DPP10: variants seen among roughly 807,000 people sequenced by gnomAD.
DPP10 encodes the protein inactive dipeptidyl peptidase 10.
DPP10 carries 33 observed loss-of-function variants against 120.9 expected under a neutral mutation model. The ratio of observed to expected loss-of-function variants is 0.27; its 90% CI spans 0.21 to 0.37. The LOEUF is 0.37. Ranked by LOEUF, DPP10 falls within the 10% of genes least tolerant of loss-of-function variation. The pLI is 1.00. For synonymous variants in DPP10, 337 were observed against 326.1 expected, an observed-to-expected ratio of 1.03 and a Z score of -0.36; for missense variants, 816 against 942.8, an observed-to-expected ratio of 0.87 and a Z score of 1.76.
At chr2:114,572,004 A>G (rs1364167346) in intron 1 of DPP10, among the ~76,000 whole-genome samples, 1 of 149,620 alleles carries the variant, frequency 6.7e-6, no homozygotes, top group Non-Finnish European at 1.5e-5. Flanking sequence ...CAATATTTAT[A>G]CCACATATAT....
chr2:114,835,923 A>AC (rs58073147), intron 1 of DPP10, among the ~76,000 whole-genome samples: 147,580 of 152,268 alleles, frequency 0.97, 71,690 homozygotes, highest in Middle Eastern at 1. Flanking sequence ...TTGAGACAAA[A>AC]TTTTAGATTG....
At chr2:115,139,655 G>A (rs1351083298) in intron 1 of DPP10, among the ~76,000 whole-genome samples, 1 of 128,956 alleles carries the variant, frequency 7.8e-6, no homozygotes, top group Non-Finnish European at 1.6e-5. Flanking sequence ...AGCAGGTTTT[G>A]TGAAACACCT....
At chr2:115,510,910 ATT>A (rs2077189091) in intron 4 of DPP10, among the ~76,000 whole-genome samples, 1 of 152,118 alleles carries the variant, frequency 6.6e-6, no homozygotes, top group South Asian at 2.1e-4. Flanking sequence ...TATAAATAGA[ATT>A]GTTTACTCCA....
intron 1 of DPP10, among the ~76,000 whole-genome samples, chr2:114,933,984 G>T (rs766241967): frequency 1.3e-5 from 2 of 152,162 alleles, no homozygotes; most frequent in Non-Finnish European, 1.5e-5. Context: ...TTTTGAACAA[G>T]CTGCTATTAT....
chr2:114,541,774 T>C (rs1238736935), intron 1 of DPP10, among the ~76,000 whole-genome samples: 1 of 152,136 alleles, frequency 6.6e-6, no homozygotes, highest in African/African-American at 2.4e-5. Flanking sequence ...TGGCAAAACA[T>C]GCTTATGCCA....
intron 1 of DPP10, among the ~76,000 whole-genome samples, chr2:114,647,520 T>C (rs1179580573): frequency 6.6e-6 from 1 of 152,106 alleles, no homozygotes; most frequent in Non-Finnish European, 1.5e-5. Flanking sequence ...TGATATCCTT[T>C]GGCTATGTTC....
intron 1 of DPP10, chr2:115,065,538 T>G (rs1045450760): frequency 6.6e-6 from 1 of 152,184 alleles, no homozygotes; most frequent in African/African-American, 2.4e-5. Flanking sequence ...ATCTTCTCTT[T>G]ATGTTTCAGG....
At chr2:114,446,228 T>C (rs545641706) in intron 1 of DPP10, among the ~76,000 whole-genome samples, 1 of 152,372 alleles carries the variant, frequency 6.6e-6, no homozygotes, top group African/African-American at 2.4e-5. Context: ...GCTAAATCTC[T>C]GATCTTGGTT....
chr2:114,578,937 A>C (rs1254656833), intron 1 of DPP10, among the ~76,000 whole-genome samples: 1 of 152,192 alleles, frequency 6.6e-6, no homozygotes, highest in Non-Finnish European at 1.5e-5. Context: ...GTGAAAATTA[A>C]AGTTGGATCT....
intron 1 of DPP10, among the ~76,000 whole-genome samples, chr2:115,299,509 A>G (rs1318393088): frequency 1.3e-5 from 2 of 152,168 alleles, no homozygotes; most frequent in East Asian, 3.9e-4. Flanking sequence ...TTCTCATTGG[A>G]ATGTTTTGCT....
At chr2:115,247,001 C>A (rs1559308367) in intron 1 of DPP10, among the ~76,000 whole-genome samples, 1 of 151,990 alleles carries the variant, frequency 6.6e-6, no homozygotes, top group African/African-American at 2.4e-5. Context: ...GTCAGTTTTC[C>A]CAAACAGCTT....
chr2:115,637,182 T>A (rs983968849), intron 5 of DPP10, among the ~76,000 whole-genome samples: 3 of 152,120 alleles, frequency 2.0e-5, no homozygotes, highest in African/African-American at 7.2e-5. Context: ...TTATGAGCAA[T>A]TATATTGGCA....
rs1158408331 is a variant in DPP10, at chr2:115,672,670, CTCTT to C, written c.442-17009_442-17006del. The stretch of plus-strand genomic sequence containing the variant: ...TCTCTCTCTTTCTTTCTTTCTTTCT[CTCTT>C]TCTTTCTCTTTCTTTCTTTCTTTCT... On this transcript the variant is annotated intron_variant, in intron 5 of 25. Transcript: ENST00000410059. Among the ~76,000 whole-genome samples the C allele has an allele frequency of 4.7e-3, 223 of 47,440 alleles. 8 individuals carry two copies. Among genetic ancestry groups the C allele is most frequent in the Middle Eastern group, 0.022 (1 of 46 alleles). The allele number at this position is 47,440 out of a possible 152,430, so 31.1% of individuals were successfully genotyped here. A position where few individuals can be genotyped will look rare whatever the true frequency, so the allele number is the denominator to read the frequency against.
In DPP10 at chr2:115,415,117, G is replaced by A. The variant is rs528879655; in HGVS notation, c.271+71205G>A. Among the ~76,000 whole-genome samples, 9 of 152,174 alleles carry A rather than the reference G, an allele frequency of 5.9e-5. No individual in the cohort carries two copies. The East Asian group carries it at 1.2e-3, about 20-fold the overall frequency. On this transcript the variant is annotated intron_variant, in intron 3 of 25. Coordinates refer to ENST00000410059, the MANE Select transcript of DPP10 (RefSeq NM_020868.6). ...CCTATTGTGATTTTACCCTTACTAG[G>A]TGGTTTTCCTGGTAAGATAAGTATT...
intron 1 of DPP10, among the ~76,000 whole-genome samples, chr2:114,861,547 T>A (rs1689811119): frequency 6.6e-6 from 1 of 152,216 alleles, no homozygotes; most frequent in South Asian, 2.1e-4. Flanking sequence ...TCAAAGCTAC[T>A]CAGTGCATGA....
intron 1 of DPP10, among the ~76,000 whole-genome samples, chr2:114,974,417 C>CTTTTTTTTTT (rs36001857): frequency 1.5e-5 from 2 of 131,592 alleles, no homozygotes; most frequent in Non-Finnish European, 3.2e-5. Context: ...CCTTTTTATC[C>CTTTTTTTTTT]TTTTTTTTTT....
At chr2:115,285,680 A>G (rs1276566470) in intron 1 of DPP10, among the ~76,000 whole-genome samples, 1 of 152,062 alleles carries the variant, frequency 6.6e-6, no homozygotes, top group Admixed American at 6.6e-5. Flanking sequence ...CTTTTTGCTA[A>G]GAATGGAAAA....
At chr2:114,658,614 G>A (rs1697143765) in intron 1 of DPP10, among the ~76,000 whole-genome samples, 1 of 152,112 alleles carries the variant, frequency 6.6e-6, no homozygotes, top group Non-Finnish European at 1.5e-5. Flanking sequence ...TGTTTTTACT[G>A]TGCTTAGACT....
intron 1 of DPP10, among the ~76,000 whole-genome samples, chr2:114,944,409 T>A (rs1006911749): frequency 6.6e-6 from 1 of 152,178 alleles, no homozygotes; most frequent in Non-Finnish European, 1.5e-5. Flanking sequence ...CTAGTGAATT[T>A]GATTCATGCA....
Sources: gnomAD v4.1 joint callset for allele counts (sites outside exome capture counted in the v4.1 genomes callset) on GRCh38, gnomAD v4.1.1 for gene constraint, MANE v1.5 for transcripts, NCBI Gene and HGNC (gene_info 2026-07-23, HGNC 2026-07-21) for gene names.